Variants in HADH observed in about 807,000 individuals in gnomAD.
HADH encodes hydroxyacyl-CoA dehydrogenase, also known as hydroxyacyl-coenzyme A dehydrogenase, mitochondrial.
Under a neutral mutation model 32.2 loss-of-function variants are expected in HADH, and 24 were observed. That is an observed-to-expected ratio of 0.75 (90% confidence interval 0.54 to 1.05). The LOEUF (loss-of-function observed/expected upper bound fraction) is 1.05, where lower values mean the gene tolerates loss of function less well. Among genes scored for constraint, HADH ranks in the 50% least tolerant of loss-of-function variants. The pLI is 0.00. For missense variants in HADH, 350 were observed against 397.1 expected (o/e 0.88, Z 1.01); for synonymous variants, 139 against 152.5 (o/e 0.91, Z 0.65).
chr4:107,990,411 C>T (rs1284782597), intron 1 of HADH, among the ~76,000 whole-genome samples: 4 of 152,228 alleles, frequency 2.6e-5, no homozygotes, highest in African/African-American at 9.6e-5. Flanking sequence ...TCAGGCATAA[C>T]GCGTTTGTTC....
chr4:107,991,444 T>G (rs998176682), intron 1 of HADH, among the ~76,000 whole-genome samples: 2 of 152,234 alleles, frequency 1.3e-5, no homozygotes, highest in Non-Finnish European at 2.9e-5. Context: ...CTCAATTTTC[T>G]TCTCCTTGGC....
At chr4:108,027,366 C>G (rs981750762) in intron 5 of HADH, 2 of 427,446 alleles carry the variant, frequency 4.7e-6, no homozygotes, top group South Asian at 2.2e-5. Context: ...ACAGAAGGAC[C>G]AAGAGAGTAT....
intron 1 of HADH, among the ~76,000 whole-genome samples, chr4:108,003,105 CTTT>C (rs11390276): frequency 3.2e-5 from 4 of 124,188 alleles, no homozygotes; most frequent in Admixed American, 8.3e-5. Flanking sequence ...GTGTCTTAGT[CTTT>C]TTTTTTTTTT....
rs1736394155 is a variant in HADH, at chr4:108,034,496, A to C, written c.*139A>C. 1.4e-6 allele frequency: 1 copy of C among 731,808 alleles called. No homozygotes were observed. The highest frequency in any genetic ancestry group is 2.6e-6 in the Non-Finnish European group (1 of 391,640). 45.3% of individuals were successfully genotyped at this position (731,808 alleles called of 1,614,324 possible). On this transcript the variant is annotated 3_prime_UTR_variant, in exon 8 of 8. Transcript: ENST00000309522. ...TAAATGTGCATTTTGATTGTAATCT[A>C]TCGAAGTGATTATTACACCAGTTAC... is the stretch of plus-strand genomic sequence containing the variant.
At chr4:107,990,245 C>T (rs1263803450) in intron 1 of HADH, among the ~76,000 whole-genome samples, 181 bp downstream of exon 1, 1 of 152,186 alleles carries the variant, frequency 6.6e-6, no homozygotes, top group Admixed American at 6.5e-5. Context: ...AGTCTCACTC[C>T]CCTCAAAATT....
intron 1 of HADH, among the ~76,000 whole-genome samples, chr4:108,006,356 G>A (rs1735292532): frequency 6.6e-6 from 1 of 152,156 alleles, no homozygotes; most frequent in Non-Finnish European, 1.5e-5. Flanking sequence ...GAGCCGACAG[G>A]TTATTTTAGG....
chr4:107,992,529 G>A (rs183294147), intron 1 of HADH, among the ~76,000 whole-genome samples: 4 of 152,278 alleles, frequency 2.6e-5, no homozygotes, highest in Admixed American at 1.3e-4. Flanking sequence ...TGCCAGAGAC[G>A]AATTAGTTGA....
At chr4:108,032,254 C>T (rs1430414574) in intron 6 of HADH, 2 of 919,462 alleles carry the variant, frequency 2.2e-6, no homozygotes, top group East Asian at 4.9e-5. Context: ...CCATAAAGGC[C>T]TCTTGGGGCC....
intron 1 of HADH, among the ~76,000 whole-genome samples, chr4:107,997,152 G>A: frequency 6.6e-6 from 1 of 152,224 alleles, no homozygotes; most frequent in East Asian, 1.9e-4. Context: ...AGGCGCTGCA[G>A]CCTCTGAAGC....
chr4:108,022,257 C>T (rs558195739), intron 4 of HADH, among the ~76,000 whole-genome samples: 2 of 91,940 alleles, frequency 2.2e-5, no homozygotes, highest in African/African-American at 7.1e-5. Flanking sequence ...AAACACGCAT[C>T]TCTCCTGTTT....
intron 1 of HADH, among the ~76,000 whole-genome samples, chr4:108,007,641 C>G (rs1735334435): frequency 6.6e-6 from 1 of 152,310 alleles, no homozygotes; most frequent in East Asian, 1.9e-4. Flanking sequence ...AAGGAATAGC[C>G]TGCCTAATAT....
rs1736390552 is a variant in HADH at position 108,034,428 on chromosome 4, G to A, written c.*71G>A. ...CAGCCAGTGCCCCGAGTGCCTGTGGGAATGCTCTTTGGTCAGACATTCCCT... is the reference window on the plus strand; with the variant it reads ...CAGCCAGTGCCCCGAGTGCCTGTGGAAATGCTCTTTGGTCAGACATTCCCT... On this transcript the variant is annotated 3_prime_UTR_variant, in exon 8 of 8. Coordinates refer to ENST00000309522, the MANE Select transcript of HADH (RefSeq NM_005327.7). The A allele has an allele frequency of 1.2e-6, 1 of 862,842 alleles. No homozygotes were observed. 53.4% of individuals were successfully genotyped at this position (862,842 alleles called of 1,614,324 possible). A position where few individuals can be genotyped will look rare whatever the true frequency, so the allele number is the denominator to read the frequency against.
Position 108,034,250 on chromosome 4 carries a change from A to T in HADH, c.838A>T (p.Met280Leu). ...CCTCCGCTCAATAGGGTGGCATGAA[A>T]TGGATGCAGAGAACCCATTACATCA... is the stretch of plus-strand genomic sequence containing the variant. Reference protein sequence around the residue: ...TKFIVDGWHEMDAENPLHQPS... With the variant: ...TKFIVDGWHELDAENPLHQPS... Residue 280 changes from methionine to leucine, a missense_variant, in exon 8 of 8, where the codon ATG (methionine) becomes TTG (leucine). Transcript: ENST00000309522. The T allele has an allele frequency of 6.2e-7, 1 of 1,606,474 alleles. No individual in the cohort carries two copies. The highest frequency in any genetic ancestry group is 8.5e-7 in the Non-Finnish European group (1 of 1,172,946).
In HADH at chr4:108,034,403, C is replaced by T; in HGVS notation, c.*46C>T. 9.2e-7 allele frequency: 1 copy of T among 1,085,220 alleles called. No individual in the cohort carries two copies. Among genetic ancestry groups the T allele is most frequent in the Non-Finnish European group, 1.4e-6 (1 of 697,112 alleles). The allele number at this position is 1,085,220 out of a possible 1,614,324, so 67.2% of individuals were successfully genotyped here. A position where few individuals can be genotyped will look rare whatever the true frequency, so the allele number is the denominator to read the frequency against. On this transcript the variant is annotated 3_prime_UTR_variant, in exon 8 of 8. Coordinates refer to ENST00000309522, the MANE Select transcript of HADH (RefSeq NM_005327.7). ...GAGAAGAACACCTGAGAGCGCTTTC[C>T]AGCCAGTGCCCCGAGTGCCTGTGGG...
chr4:108,026,556 A>C (rs1003083461), intron 5 of HADH: 1 of 152,200 alleles, frequency 6.6e-6, no homozygotes, highest in African/African-American at 2.4e-5. Context: ...TTGTTTGTGC[A>C]TCTTTGTGCT....
At position 108,009,804 on chromosome 4, in the gene HADH, G is replaced by T; in HGVS notation, c.178G>T (p.Glu60Ter). 1 of 1,611,592 alleles carries T rather than the reference G, an allele frequency of 6.2e-7. No homozygotes were observed. The highest frequency in any genetic ancestry group is 8.5e-7 in the Non-Finnish European group (1 of 1,177,740). Reference protein sequence around the residue: ...GHTVVLVDQTEDILAKSKKGI... With the variant: ...GHTVVLVDQT Reference sequence around the variant, plus strand: ...CACAGTAGTGTTGGTAGACCAGACAGAGGACATCCTGGCAAAATCCAAAAA... The same window carrying T: ...CACAGTAGTGTTGGTAGACCAGACATAGGACATCCTGGCAAAATCCAAAAA... Residue 60 changes from glutamate (E) to a stop codon, truncating the protein, a stop_gained, in exon 2 of 8, where the codon GAG becomes TAG. Transcript: ENST00000309522. LOFTEE classifies it high-confidence loss of function.
chr4:107,995,750 T>A (rs1208249847), intron 1 of HADH, among the ~76,000 whole-genome samples: 1 of 152,124 alleles, frequency 6.6e-6, no homozygotes. Flanking sequence ...TGCCTGTAAA[T>A]CCCCAAGCCT....
In HADH at chr4:107,989,961, G is replaced by T. The variant is rs1212848224; in HGVS notation, c.29G>T (p.Arg10Leu). 1 of 1,613,010 alleles carries T rather than the reference G, an allele frequency of 6.2e-7. No homozygotes were observed. Among genetic ancestry groups the T allele is most frequent in the Admixed American group, 1.7e-5 (1 of 59,982 alleles). Residue 10 changes from arginine (R) to leucine (L), a missense_variant, in exon 1 of 8, where the codon CGT becomes CTT. Transcript: ENST00000309522. Reference protein sequence around the residue: MAFVTRQFMRSVSSSSTASA... With the variant: MAFVTRQFMLSVSSSSTASA... The stretch of plus-strand genomic sequence containing the variant: ...GCCTTCGTCACCAGGCAGTTCATGC[G>T]TTCCGTGTCCTCCTCGTCCACCGCC...
intron 1 of HADH, among the ~76,000 whole-genome samples, chr4:107,997,850 A>T (rs1285220156): frequency 6.6e-6 from 1 of 152,250 alleles, no homozygotes; most frequent in East Asian, 1.9e-4. Context: ...CTTTTTTTGC[A>T]GTTCATTTCT....
Sources: allele counts gnomAD v4.1 joint callset (sites outside exome capture counted in the v4.1 genomes callset), GRCh38; gene constraint gnomAD v4.1.1; transcripts MANE v1.5; gene names NCBI Gene and HGNC (gene_info 2026-07-23, HGNC 2026-07-21).